The following CLOCK variants were observed in gnomAD, a reference collection of about 807,000 sequenced individuals.
CLOCK encodes circadian locomoter output cycles protein kaput.
Under a neutral mutation model 118.4 loss-of-function variants are expected in CLOCK, and 43 were observed. The observed-to-expected ratio is 0.36, with a 90% confidence interval of 0.28 to 0.47. The LOEUF is 0.47. Ranked by LOEUF, CLOCK falls within the 20% of genes least tolerant of loss-of-function variation. The pLI is 1.00. For missense variants in CLOCK, 846 were observed against 999.9 expected, an observed-to-expected ratio of 0.85 and a Z score of 2.08; for synonymous variants, 326 against 339.2, an observed-to-expected ratio of 0.96 and a Z score of 0.43.
At chr4:55,523,587 G>A (rs1729978693) in intron 1 of CLOCK, among the ~76,000 whole-genome samples, 1 of 152,136 alleles carries the variant, frequency 6.6e-6, no homozygotes, top group South Asian at 2.1e-4. Flanking sequence ...CATGGGTAAT[G>A]TCCTCTGAAT....
Position 55,430,698 on chromosome 4 carries a change from G to A in CLOCK, c.*4717C>T, listed in dbSNP as rs1247874534. On this transcript the variant is annotated 3_prime_UTR_variant, in exon 23 of 23. Transcript: ENST00000513440. ...TTTCAGGGCACATTTAAAACACTCA[G>A]AATAATTCTTGAAATTATTATATTC... is the stretch of plus-strand genomic sequence containing the variant. 2 of 152,120 alleles carry A rather than the reference G, an allele frequency of 1.3e-5. No individual in the cohort carries two copies. The highest frequency in any genetic ancestry group is 2.9e-5 in the Non-Finnish European group (2 of 68,008). The allele number at this position is 152,120 out of a possible 1,614,324, so 9.4% of individuals were successfully genotyped here. A position where few individuals can be genotyped will look rare whatever the true frequency, so the allele number is the denominator to read the frequency against.
At position 55,453,728 on chromosome 4, in the gene CLOCK, T is replaced by C. The variant is rs777492039; in HGVS notation, c.1079A>G (p.His360Arg). ...WLQTHYYITY[H>R]QWNSRPEFIV... ...AAACTCTGGCCTTGAATTCCACTGATGGTAAGTGATATAATAATGAGTCTG... is the reference window on the plus strand; with the variant it reads ...AAACTCTGGCCTTGAATTCCACTGACGGTAAGTGATATAATAATGAGTCTG... The change falls in exon 14 of 23, where the codon CAT (histidine) becomes CGT (arginine). Residue 360 changes from histidine (H) to arginine (R), a missense_variant. Coordinates refer to ENST00000513440, the MANE Select transcript of CLOCK (RefSeq NM_004898.4). 1.2e-6 allele frequency: 2 copies of C among 1,611,068 alleles called. No homozygotes were observed. The highest frequency in any genetic ancestry group is 1.7e-6 in the Non-Finnish European group (2 of 1,177,904).
At chr4:55,473,225 A>C (rs868575345) in intron 7 of CLOCK, among the ~76,000 whole-genome samples, 62 of 141,826 alleles carry the variant, frequency 4.4e-4, no homozygotes, top group African/African-American at 1.4e-3. Context: ...TCCGTCTCCC[A>C]AAAAAAAAAA....
intron 1 of CLOCK, among the ~76,000 whole-genome samples, chr4:55,520,303 CT>C (rs2110059246): frequency 6.6e-6 from 1 of 152,282 alleles, no homozygotes; most frequent in East Asian, 1.9e-4. Flanking sequence ...CTCCCAAAAC[CT>C]TGACTTCTAT....
Position 55,452,602 on chromosome 4 carries a change from CTAT to C in CLOCK, c.1206+449_1206+451del, listed in dbSNP as rs1724566760. On this transcript the variant is annotated intron_variant, in intron 15 of 22. Coordinates refer to ENST00000513440, the MANE Select transcript of CLOCK (RefSeq NM_004898.4). Reference sequence around the variant, plus strand: ...TACACAGCTATAGATAACTAATATACTATACTTCTGACCTGATATAACAAAAAA... The same window carrying C: ...TACACAGCTATAGATAACTAATATACACTTCTGACCTGATATAACAAAAAA... The C allele has an allele frequency of 4.6e-5, 8 of 173,918 alleles. No homozygotes were observed. The South Asian group carries it at 1.0e-3, about 23-fold the overall frequency. The allele number at this position is 173,918 out of a possible 1,614,324, so 10.8% of individuals were successfully genotyped here. A position where few individuals can be genotyped will look rare whatever the true frequency, so the allele number is the denominator to read the frequency against.
rs199897283 is a variant in CLOCK, at chr4:55,501,970, A to G, written c.-136+7942T>C. Among the ~76,000 whole-genome samples the G allele has an allele frequency of 1.4e-4, 22 of 152,334 alleles. No homozygotes were observed. In the East Asian group the frequency reaches 3.7e-3, roughly 25 times the overall value. On this transcript the variant is annotated intron_variant, in intron 2 of 22. Coordinates refer to ENST00000513440, the MANE Select transcript of CLOCK (RefSeq NM_004898.4). ...TAAACTACAAGGGCTTTTATAAAACATAACTACAATATCATTATCATATCT... is the reference window on the plus strand; with the variant it reads ...TAAACTACAAGGGCTTTTATAAAACGTAACTACAATATCATTATCATATCT...
chr4:55,435,707 A>C, intron 22 of CLOCK, 113 bp from the exon 23 acceptor site: 2 of 1,044,230 alleles, frequency 1.9e-6, no homozygotes, highest in Non-Finnish European at 2.9e-6. Context: ...ATTCTACATA[A>C]TGCATATCAC....
intron 1 of CLOCK, among the ~76,000 whole-genome samples, chr4:55,512,546 A>C (rs1376195308): frequency 6.6e-6 from 1 of 152,078 alleles, no homozygotes; most frequent in Non-Finnish European, 1.5e-5. Context: ...TATTCTTTTG[A>C]TAAGTACCTC....
chr4:55,502,343 TAA>T (rs1477749021), intron 2 of CLOCK, among the ~76,000 whole-genome samples: 3 of 152,074 alleles, frequency 2.0e-5, no homozygotes, highest in Non-Finnish European at 1.5e-5. Flanking sequence ...CTACAGTAAT[TAA>T]AAGAGTATGG....
In CLOCK at chr4:55,458,924, T is replaced by C. The variant is rs1725106624; in HGVS notation, c.760A>G (p.Thr254Ala). The change falls in exon 11 of 23, where the codon ACT (threonine) becomes GCT (alanine). Residue 254 changes from threonine to alanine, a missense_variant. Physicochemically the swap from Thr to Ala is moderately conservative, Grantham distance 58. Coordinates refer to ENST00000513440, the MANE Select transcript of CLOCK (RefSeq NM_004898.4). ...SYEDRVCFVA[T>A]VRLATPQFIK... ...AACTGAGGTGTAGCTAACCTGACAGTAGCTACAAAACAAACTCTATCTTCA... is the reference window on the plus strand; with the variant it reads ...AACTGAGGTGTAGCTAACCTGACAGCAGCTACAAAACAAACTCTATCTTCA... 2 of 1,613,500 alleles carry C rather than the reference T, an allele frequency of 1.2e-6. No homozygotes were observed. The highest frequency in any genetic ancestry group is 1.7e-4 in the Middle Eastern group (1 of 6,060).
At chr4:55,453,171 T>C in intron 14 of CLOCK, 42 bp from the exon 15 acceptor site, 1 of 1,459,716 alleles carries the variant, frequency 6.9e-7, no homozygotes, top group East Asian at 2.3e-5. Context: ...GTCTGGTCAT[T>C]CGTTTAAAAT....
In CLOCK at chr4:55,456,307, A is replaced by G. The variant is rs1258046460; in HGVS notation, c.793-7T>C. 4.0e-6 allele frequency: 6 copies of G among 1,501,230 alleles called. No individual in the cohort carries two copies. The highest frequency in any genetic ancestry group is 5.5e-6 in the Non-Finnish European group (6 of 1,089,596). 93.0% of individuals were successfully genotyped at this position (1,501,230 alleles called of 1,614,324 possible). On this transcript the variant is annotated splice_region_variant and splice_polypyrimidine_tract_variant and intron_variant, in intron 11 of 22. Coordinates refer to ENST00000513440, the MANE Select transcript of CLOCK (RefSeq NM_004898.4). Reference sequence around the variant, plus strand: ...CTTCAACAGTGCACATTTCCTACAAATAAATAATTAAAATTTATAAATACT... The same window carrying G: ...CTTCAACAGTGCACATTTCCTACAAGTAAATAATTAAAATTTATAAATACT...
At chr4:55,471,466 A>G (rs1253639774) in intron 7 of CLOCK, among the ~76,000 whole-genome samples, 1 of 152,202 alleles carries the variant, frequency 6.6e-6, no homozygotes, top group Non-Finnish European at 1.5e-5. Flanking sequence ...AAATTCAGTT[A>G]GGAAAATCAT....
intron 22 of CLOCK, among the ~76,000 whole-genome samples, chr4:55,436,499 A>G (rs574278831): frequency 2.6e-5 from 4 of 152,362 alleles, no homozygotes; most frequent in East Asian, 1.9e-4. Context: ...AATTTTTACA[A>G]TGAAAGTCCT....
At chr4:55,489,894 C>T (rs973086318) in intron 2 of CLOCK, among the ~76,000 whole-genome samples, 3 of 151,042 alleles carry the variant, frequency 2.0e-5, no homozygotes, top group East Asian at 1.9e-4. Context: ...AGGACTGACA[C>T]AAGAAAATGA....
chr4:55,538,086 C>T (rs1731017586), intron 1 of CLOCK, among the ~76,000 whole-genome samples: 2 of 151,996 alleles, frequency 1.3e-5, no homozygotes, highest in Admixed American at 6.6e-5. Context: ...TACTAGTATT[C>T]GGAATGATAC....
chr4:55,450,349 C>T lies in CLOCK; in HGVS notation c.1207-117G>A, dbSNP rs911069245. ...TTTTGTCTATAACAAGGCAAAAGTA[C>T]CTGTATGTACATACACATGTAAAGA... On this transcript the variant is annotated intron_variant, in intron 15 of 22. Coordinates refer to ENST00000513440, the MANE Select transcript of CLOCK (RefSeq NM_004898.4). 7 of 1,127,474 alleles carry T rather than the reference C, an allele frequency of 6.2e-6. No individual in the cohort carries two copies. In the Admixed American group the frequency reaches 8.6e-5, roughly 14 times the overall value. 69.8% of individuals were successfully genotyped at this position (1,127,474 alleles called of 1,614,324 possible).
At chr4:55,448,920 G>T (rs1173735155) in intron 17 of CLOCK, 52 bp from the exon 18 acceptor site, 1 of 1,315,960 alleles carries the variant, frequency 7.6e-7, no homozygotes, top group South Asian at 1.2e-5. Flanking sequence ...CCATACATGA[G>T]TACTTCCAGC....
intron 4 of CLOCK, among the ~76,000 whole-genome samples, chr4:55,480,419 C>T (rs1262894084): frequency 6.6e-6 from 1 of 152,144 alleles, no homozygotes; most frequent in Non-Finnish European, 1.5e-5. Flanking sequence ...TACATGCCAC[C>T]ATGACTGGCT....
Sources: allele counts gnomAD v4.1 joint callset (sites outside exome capture counted in the v4.1 genomes callset), GRCh38; gene constraint gnomAD v4.1.1; transcripts MANE v1.5; gene names NCBI Gene and HGNC (gene_info 2026-07-23, HGNC 2026-07-21).